FES: variants seen among roughly 807,000 people sequenced by gnomAD.
FES encodes tyrosine-protein kinase Fes/Fps.
In FES, 83 loss-of-function variants were observed where a neutral mutation model predicts 109.6. The observed-to-expected ratio is 0.76, with a 90% CI of 0.63 to 0.91. FES has a LOEUF of 0.91. Ranked by LOEUF, FES falls within the 40% of genes least tolerant of loss-of-function variation. The pLI is 0.00. For synonymous variants in FES, 458 were observed against 442.1 expected (o/e 1.04, Z -0.45); for missense variants, 943 against 1,070.9 (o/e 0.88, Z 1.67).
At chr15:90,892,856 C>G (rs950940427) in intron 14 of FES, 31 bp downstream of exon 14, 8 of 1,593,780 alleles carry the variant, frequency 5.0e-6, no homozygotes, top group Non-Finnish European at 6.9e-6. Flanking sequence ...CACCACGGGT[C>G]CCGCATACAC....
intron 3 of FES, 77 bp downstream of exon 3, chr15:90,885,662 C>A: frequency 1.3e-6 from 2 of 1,525,324 alleles, no homozygotes; most frequent in Non-Finnish European, 1.8e-6. Flanking sequence ...GCACAAGAGG[C>A]CCTGGATTCA....
Position 90,890,155 on chromosome 15 carries a change from G to A in FES, c.1113G>A (p.Leu371=). Residue 371 remains leucine (L), a synonymous_variant, in exon 9 of 19, where the codon CTG becomes CTA. Coordinates refer to ENST00000328850, the MANE Select transcript of FES (RefSeq NM_002005.4). ...QEALQGLQVA[L]CSQAKLQAQQ... The stretch of plus-strand genomic sequence containing the variant: ...CACTGCAGGGGCTGCAGGTAGCGCT[G>A]TGCAGCCAGGCCAAGCTGCAGGCCC... The A allele has an allele frequency of 6.3e-7, 1 of 1,596,492 alleles. No homozygotes were observed.
rs2033388486 is a variant in FES at position 90,893,166 on chromosome 15, C to T, written c.1893C>T (p.Pro631=). 1 of 1,614,014 alleles carries T rather than the reference C, an allele frequency of 6.2e-7. No individual in the cohort carries two copies. Among genetic ancestry groups the T allele is most frequent in the Non-Finnish European group, 8.5e-7 (1 of 1,179,984 alleles). ...TTGGTGTCTGCACCCAGAAGCAGCCCATCTACATCGTCATGGAGCTTGTGC... is the reference window on the plus strand; with the variant it reads ...TTGGTGTCTGCACCCAGAAGCAGCCTATCTACATCGTCATGGAGCTTGTGC... ...RLIGVCTQKQ[P]IYIVMELVQG... is the part of the protein sequence containing the mutation. Residue 631 remains proline (P), a synonymous_variant, in exon 15 of 19, where the codon CCC becomes CCT. Transcript: ENST00000328850.
chr15:90,884,944 C>A, intron 1 of FES, 93 bp from the exon 2 acceptor site: 1 of 1,044,950 alleles, frequency 9.6e-7, no homozygotes, highest in Non-Finnish European at 1.4e-6. Context: ...GTCTGCAGTC[C>A]ATCCTGACCC....
At chr15:90,891,747 G>A (rs2033237861) in intron 12 of FES, 71 bp downstream of exon 12, 1 of 1,594,202 alleles carries the variant, frequency 6.3e-7, no homozygotes, top group Non-Finnish European at 8.6e-7. Context: ...GGCCCACCCA[G>A]CGTCTGAGCA....
chr15:90,890,355 C>G (rs1391318242), intron 9 of FES, 46 bp from the exon 10 acceptor site: 1 of 1,599,316 alleles, frequency 6.3e-7, no homozygotes, highest in Non-Finnish European at 8.5e-7. Context: ...TTCGCCCTCC[C>G]CCTCCCTAAG....
At position 90,885,574 on chromosome 15, in the gene FES, G is replaced by A. The variant is rs1329178992; in HGVS notation, c.376G>A (p.Glu126Lys). Reference sequence around the variant, plus strand: ...CGAGCAGTGGCAGCAGCTGCAGCAGGAGCTCACCAAGGTGAGCGGGCAGCA... The same window carrying A: ...CGAGCAGTGGCAGCAGCTGCAGCAGAAGCTCACCAAGGTGAGCGGGCAGCA... ...YSEQWQQLQQELTKTHSQDIE... is the reference protein window; with the variant it reads ...YSEQWQQLQQKLTKTHSQDIE... Residue 126 changes from glutamate (E) to lysine (K), a missense_variant, in exon 3 of 19, where the codon GAG (glutamate) becomes AAG (lysine). Transcript: ENST00000328850. 1.2e-6 allele frequency: 2 copies of A among 1,612,884 alleles called. No homozygotes were observed.
intron 5 of FES, 102 bp downstream of exon 5, chr15:90,887,472 G>T: frequency 7.8e-7 from 1 of 1,286,168 alleles, no homozygotes; most frequent in South Asian, 1.5e-5. Flanking sequence ...CTGGGAAGGT[G>T]CTGGCCATGT....
chr15:90,891,733 G>A, intron 12 of FES, 57 bp downstream of exon 12: 2 of 1,605,620 alleles, frequency 1.2e-6, no homozygotes, highest in Non-Finnish European at 1.7e-6. Flanking sequence ...GGGAGTGTGG[G>A]TCAGGCCCAC....
intron 3 of FES, 90 bp downstream of exon 3, chr15:90,885,675 G>A: frequency 6.7e-7 from 1 of 1,502,684 alleles, no homozygotes; most frequent in South Asian, 1.4e-5. Context: ...TGGATTCACT[G>A]GGGAAGTGTA....
chr15:90,886,442 A>C (rs1384437210), intron 3 of FES, among the ~76,000 whole-genome samples: 5 of 152,236 alleles, frequency 3.3e-5, no homozygotes, highest in Non-Finnish European at 1.5e-5. Flanking sequence ...ACAGATGGGG[A>C]AACTGAGGTT....
rs375858275 is a variant in FES, at chr15:90,889,804, G to A, written c.927-36G>A. 3.7e-6 allele frequency: 6 copies of A among 1,612,252 alleles called. No homozygotes were observed. In the African/African-American group the frequency reaches 5.3e-5, roughly 14 times the overall value. On this transcript the variant is annotated intron_variant, in intron 7 of 18. Coordinates refer to ENST00000328850, the MANE Select transcript of FES (RefSeq NM_002005.4). This position sits in a 1 kb window ranked among gnomAD's most constrained non-coding sequence, Gnocchi z 6.1. ...TGGACCTGGGTTGAGGGGGCAGGAG[G>A]GCTCGGTTCTAATGCTGCCCTTCTC...
chr15:90,893,942 A>C lies in FES; in HGVS notation c.2210A>C (p.Tyr737Ser). The change falls in exon 18 of 19, where the codon TAC (tyrosine) becomes TCC (serine). Residue 737 changes from tyrosine (Y) to serine (S), a missense_variant. Tyr to Ser is a moderately radical substitution (Grantham distance 144). Coordinates refer to ENST00000328850, the MANE Select transcript of FES (RefSeq NM_002005.4). Reference protein sequence around the residue: ...TAPEALNYGRYSSESDVWSFG... With the variant: ...TAPEALNYGRSSSESDVWSFG... ...CTCCTCGCCTCCTCTGCAGGCCGCT[A>C]CTCCTCCGAAAGCGACGTGTGGAGC... 1.9e-6 allele frequency: 3 copies of C among 1,613,222 alleles called. No homozygotes were observed. Among genetic ancestry groups the C allele is most frequent in the Non-Finnish European group, 1.7e-6 (2 of 1,179,860 alleles).
Position 90,895,518 on chromosome 15 carries a change from T to C in FES, c.2429T>C (p.Ile810Thr). 2 of 1,599,902 alleles carry C rather than the reference T, an allele frequency of 1.3e-6. No individual in the cohort carries two copies. Among genetic ancestry groups the C allele is most frequent in the East Asian group, 2.3e-5 (1 of 43,976 alleles). The change falls in exon 19 of 19, where the codon ATC becomes ACC. Residue 810 changes from isoleucine to threonine, a missense_variant. Physicochemically the swap from Ile to Thr is moderately conservative, Grantham distance 89. Transcript: ENST00000328850. Reference sequence around the variant, plus strand: ...GGGCAGCGGCCCAGCTTCAGCACCATCTACCAGGAGCTGCAGAGCATCCGA... The same window carrying C: ...GGGCAGCGGCCCAGCTTCAGCACCACCTACCAGGAGCTGCAGAGCATCCGA... Reference protein sequence around the residue: ...EPGQRPSFSTIYQELQSIRKR... With the variant: ...EPGQRPSFSTTYQELQSIRKR...
rs747581956 is a variant in FES at position 90,885,213 on chromosome 15, T to C, written c.168T>C (p.Ser56=). 2 of 1,613,486 alleles carry C rather than the reference T, an allele frequency of 1.2e-6. No homozygotes were observed. The highest frequency in any genetic ancestry group is 1.7e-6 in the Non-Finnish European group (2 of 1,179,990). The change falls in exon 2 of 19, where the codon AGT becomes AGC. Residue 56 remains serine, a synonymous_variant. Coordinates refer to ENST00000328850, the MANE Select transcript of FES (RefSeq NM_002005.4). ...TTCACCACATGTCCCTGCAGGACAG[T>C]GGGGGCCAGAGCCGGGCCATCAGCC... ...GLLHHMSLQD[S]GGQSRAISPD...
rs777160296 is a variant in FES, at chr15:90,895,559, G to T, written c.*1G>T. On this transcript the variant is annotated 3_prime_UTR_variant, in exon 19 of 19. Transcript: ENST00000328850. Reference sequence around the variant, plus strand: ...GAGCATCCGAAAGCGGCATCGGTGAGGCTGGGACCCCCTTCTCAAGCTGGT... The same window carrying T: ...GAGCATCCGAAAGCGGCATCGGTGATGCTGGGACCCCCTTCTCAAGCTGGT... The T allele has an allele frequency of 6.4e-7, 1 of 1,564,348 alleles. No homozygotes were observed. Among genetic ancestry groups the T allele is most frequent in the South Asian group, 1.2e-5 (1 of 84,408 alleles).
rs1486330191 is a variant in FES, at chr15:90,884,556, C to T, written c.-10+12C>T. The T allele has an allele frequency of 6.4e-6, 1 of 157,244 alleles. No homozygotes were observed. The highest frequency in any genetic ancestry group is 1.4e-5 in the Non-Finnish European group (1 of 71,324). 9.7% of individuals were successfully genotyped at this position (157,244 alleles called of 1,614,324 possible). On this transcript the variant is annotated intron_variant, in intron 1 of 18. Coordinates refer to ENST00000328850, the MANE Select transcript of FES (RefSeq NM_002005.4). ...AGCTGCCCGTGCGGGTACCTCTAGC[C>T]CCGGGGCCTGGAGGAGCGGTGGGAG...
chr15:90,893,153 C>T lies in FES; in HGVS notation c.1880C>T (p.Thr627Ile). The T allele has an allele frequency of 6.2e-7, 1 of 1,614,018 alleles. No homozygotes were observed. The highest frequency in any genetic ancestry group is 8.5e-7 in the Non-Finnish European group (1 of 1,179,968). ...ATCGTGCGTCTCATTGGTGTCTGCA[C>T]CCAGAAGCAGCCCATCTACATCGTC... ...PNIVRLIGVC[T>I]QKQPIYIVME... is the part of the protein sequence containing the mutation. The change falls in exon 15 of 19, where the codon ACC becomes ATC. Residue 627 changes from threonine (T) to isoleucine (I), a missense_variant. Coordinates refer to ENST00000328850, the MANE Select transcript of FES (RefSeq NM_002005.4).
rs1176576042 is a variant in FES at position 90,893,520 on chromosome 15, G to C, written c.2045+106G>C. Reference sequence around the variant, plus strand: ...GGACCATCAGGCATCAGCTCCAGAGGGGGAGTTGGCCTCTGTGGTAGACAG... The same window carrying C: ...GGACCATCAGGCATCAGCTCCAGAGCGGGAGTTGGCCTCTGTGGTAGACAG... On this transcript the variant is annotated intron_variant, in intron 16 of 18. Coordinates refer to ENST00000328850, the MANE Select transcript of FES (RefSeq NM_002005.4). The C allele has an allele frequency of 1.7e-5, 26 of 1,493,190 alleles. No individual in the cohort carries two copies. The South Asian group carries it at 1.9e-4, about 11-fold the overall frequency. The allele number at this position is 1,493,190 out of a possible 1,614,324, so 92.5% of individuals were successfully genotyped here.
Sources: allele counts gnomAD v4.1 joint callset (sites outside exome capture counted in the v4.1 genomes callset), GRCh38; gene constraint gnomAD v4.1.1; non-coding constraint Gnocchi (gnomAD v3.1); transcripts MANE v1.5; gene names NCBI Gene and HGNC (gene_info 2026-07-23, HGNC 2026-07-21).